The following TNS3 variants were observed in gnomAD, a reference collection of about 807,000 sequenced individuals.
TNS3 encodes the protein tensin-3.
Under a neutral mutation model 140.9 loss-of-function variants are expected in TNS3, and 45 were observed. The observed-to-expected ratio is 0.32, with a 90% CI of 0.25 to 0.41. TNS3 has a LOEUF of 0.41. Among genes scored for constraint, TNS3 ranks in the 10% least tolerant of loss-of-function variants. The pLI, the probability that TNS3 is intolerant of heterozygous loss-of-function variation, is 1.00. For missense variants in TNS3, 1,716 were observed against 1,906.7 expected (o/e 0.90, Z 1.86); for synonymous variants, 815 against 788.4 (o/e 1.03, Z -0.56).
intron 6 of TNS3, among the ~76,000 whole-genome samples, chr7:47,437,906 C>T (rs1433905625): frequency 6.6e-6 from 1 of 151,184 alleles, no homozygotes; most frequent in African/African-American, 2.4e-5. Context: ...AAGGCTGTCC[C>T]TCCTCTATGG....
intron 1 of TNS3, among the ~76,000 whole-genome samples, chr7:47,530,823 C>CAA (rs781707373): frequency 0.035 from 1,552 of 44,972 alleles, 90 homozygotes; most frequent in East Asian, 0.041. Context: ...AACTCCATCT[C>CAA]AAAAAAAAAA....
At chr7:47,426,151 G>A (rs538100301) in intron 9 of TNS3, among the ~76,000 whole-genome samples, 5 of 152,054 alleles carry the variant, frequency 3.3e-5, no homozygotes, top group South Asian at 2.1e-4. Context: ...GCATAGTGGC[G>A]GGCACCAGTA....
At chr7:47,523,591 C>T (rs1480139732) in intron 2 of TNS3, among the ~76,000 whole-genome samples, 1 of 152,228 alleles carries the variant, frequency 6.6e-6, no homozygotes, top group Non-Finnish European at 1.5e-5. Context: ...CACCAAGTGC[C>T]TTGAGTGGGG....
intron 4 of TNS3, among the ~76,000 whole-genome samples, chr7:47,479,184 C>T (rs555403518): frequency 6.7e-4 from 102 of 152,326 alleles, no homozygotes; most frequent in African/African-American, 2.3e-3. Flanking sequence ...GTCTGACAGC[C>T]CTGCAACCGG....
chr7:47,510,657 T>G (rs953426099), intron 2 of TNS3, among the ~76,000 whole-genome samples: 11 of 152,074 alleles, frequency 7.2e-5, no homozygotes, highest in African/African-American at 2.7e-4. Flanking sequence ...GCAGATCACT[T>G]GAGGTCAGGA....
chr7:47,424,300 C>T, intron 9 of TNS3, 116 bp from the exon 10 acceptor site: 1 of 925,478 alleles, frequency 1.1e-6, no homozygotes, highest in Non-Finnish European at 1.7e-6. Flanking sequence ...CAAGGGGCTT[C>T]ACCCTTTGCT....
rs984457437 is a variant in TNS3 at position 47,485,244 on chromosome 7, A to G, written c.-114-4103T>C. Among the ~76,000 whole-genome samples, 5 of 152,118 alleles carry G rather than the reference A, an allele frequency of 3.3e-5. No individual in the cohort carries two copies. The East Asian group carries it at 7.7e-4, about 23-fold the overall frequency. On this transcript the variant is annotated intron_variant, in intron 3 of 30. Coordinates refer to ENST00000311160, the MANE Select transcript of TNS3 (RefSeq NM_022748.12). Reference sequence around the variant, plus strand: ...GGCAGCGTTCCCTGTGTCAAGGCACACTCCTGGGGAGGCCCACGGCTCATC... The same window carrying G: ...GGCAGCGTTCCCTGTGTCAAGGCACGCTCCTGGGGAGGCCCACGGCTCATC...
chr7:47,435,159 C>G lies in TNS3; in HGVS notation c.324+123G>C, dbSNP rs932106798. The G allele has an allele frequency of 3.0e-6, 4 of 1,312,548 alleles. No individual in the cohort carries two copies. The African/African-American group carries it at 5.9e-5, about 20-fold the overall frequency. The allele number at this position is 1,312,548 out of a possible 1,614,324, so 81.3% of individuals were successfully genotyped here. ...CAAGTAGGAAAACCTAAAGACAAACCCATAAGGAGCACATCGCACCAGCTC... is the reference window on the plus strand; with the variant it reads ...CAAGTAGGAAAACCTAAAGACAAACGCATAAGGAGCACATCGCACCAGCTC... On this transcript the variant is annotated intron_variant, in intron 8 of 30. Coordinates refer to ENST00000311160, the MANE Select transcript of TNS3 (RefSeq NM_022748.12).
chr7:47,511,895 G>A lies in TNS3; in HGVS notation c.-152-4951C>T, dbSNP rs531517151. On this transcript the variant is annotated intron_variant, in intron 2 of 30. Coordinates refer to ENST00000311160, the MANE Select transcript of TNS3 (RefSeq NM_022748.12). Reference sequence around the variant, plus strand: ...GCACCTCCCCCTGCAGAAGACACATGCCCTGCTGGCTGGGAGAGGCTCCTT... The same window carrying A: ...GCACCTCCCCCTGCAGAAGACACATACCCTGCTGGCTGGGAGAGGCTCCTT... 3.6e-4 allele frequency among the ~76,000 whole-genome samples: 55 copies of A among 152,344 alleles called. No individual in the cohort carries two copies. In the Middle Eastern group the frequency reaches 0.01, roughly 28 times the overall value.
At chr7:47,508,750 T>C (rs557070415) in intron 2 of TNS3, among the ~76,000 whole-genome samples, 1 of 152,336 alleles carries the variant, frequency 6.6e-6, no homozygotes, top group Admixed American at 6.5e-5. Flanking sequence ...CTTTTGTGGC[T>C]AAAAGACATC....
intron 16 of TNS3, among the ~76,000 whole-genome samples, chr7:47,384,572 T>C (rs914942407): frequency 1.3e-5 from 2 of 152,236 alleles, no homozygotes; most frequent in African/African-American, 2.4e-5. Context: ...TGGTTTGACT[T>C]TAGAATTTCT....
chr7:47,346,685 T>C (rs374591601), intron 17 of TNS3, among the ~76,000 whole-genome samples: 571 of 152,306 alleles, frequency 3.7e-3, no homozygotes, highest in Non-Finnish European at 6.5e-3. Context: ...GATGGAATGC[T>C]GGGTGGGACT....
intron 17 of TNS3, among the ~76,000 whole-genome samples, chr7:47,361,215 A>AAAAAAAAAAAAC (rs1301840027): frequency 6.8e-6 from 1 of 146,576 alleles, no homozygotes; most frequent in Non-Finnish European, 1.5e-5. Context: ...CCAAAAAAAA[A>AAAAAAAAAAAAC]AAAAAAAAAC....
At chr7:47,371,803 G>A (rs1373337683) in intron 16 of TNS3, among the ~76,000 whole-genome samples, 1 of 152,184 alleles carries the variant, frequency 6.6e-6, no homozygotes, top group Non-Finnish European at 1.5e-5. Context: ...CCTTGAAGAA[G>A]CTCTGGCATC....
intron 2 of TNS3, among the ~76,000 whole-genome samples, chr7:47,521,446 T>A (rs1454138680): frequency 6.6e-6 from 1 of 152,182 alleles, no homozygotes; most frequent in Non-Finnish European, 1.5e-5. Context: ...GACGGAGGTG[T>A]CTGCCCTGTG....
intron 13 of TNS3, 145 bp from the exon 14 acceptor site, chr7:47,401,059 G>A (rs1793132872): frequency 8.0e-7 from 1 of 1,249,384 alleles, no homozygotes; most frequent in East Asian, 2.6e-5. Context: ...TGGAACTTCA[G>A]CCCTGGGGCA....
chr7:47,291,437 TG>T lies in TNS3; in HGVS notation c.3928+517del, dbSNP rs1785695320. On this transcript the variant is annotated intron_variant, in intron 27 of 30. Transcript: ENST00000311160. ...GCGGGGAGGCTATGCGTGTATATGG[TG>T]TATCTCTGTACCTTCTTCTCCATTT... is the stretch of plus-strand genomic sequence containing the variant. Among the ~76,000 whole-genome samples the T allele has an allele frequency of 3.3e-5, 5 of 152,152 alleles. No individual in the cohort carries two copies. In the South Asian group the frequency reaches 1.0e-3, roughly 32 times the overall value.
chr7:47,559,062 T>A (rs1043778672), intron 1 of TNS3, among the ~76,000 whole-genome samples: 4 of 152,200 alleles, frequency 2.6e-5, no homozygotes, highest in Non-Finnish European at 5.9e-5. Context: ...TATTTAAATA[T>A]ACAGACAGGC....
Position 47,442,055 on chromosome 7 carries a change from C to A in TNS3, c.-75G>T. ...CTGGACAGCGTGGAACTCCCTGGAG[C>A]CTGCAAATAACAAAACAAGGGTCAT... is the stretch of plus-strand genomic sequence containing the variant. On this transcript the variant is annotated splice_region_variant and 5_prime_UTR_variant, in exon 5 of 31. Transcript: ENST00000311160. 1 of 1,273,470 alleles carries A rather than the reference C, an allele frequency of 7.9e-7. No individual in the cohort carries two copies. Among genetic ancestry groups the A allele is most frequent in the Admixed American group, 2.6e-5 (1 of 38,718 alleles). The allele number at this position is 1,273,470 out of a possible 1,614,324, so 78.9% of individuals were successfully genotyped here. A position where few individuals can be genotyped will look rare whatever the true frequency, so the allele number is the denominator to read the frequency against.
Sources: gnomAD v4.1 joint callset for allele counts (sites outside exome capture counted in the v4.1 genomes callset) on GRCh38, gnomAD v4.1.1 for gene constraint, MANE v1.5 for transcripts, NCBI Gene and HGNC (gene_info 2026-07-23, HGNC 2026-07-21) for gene names.